The following XPO4 variants were observed in gnomAD, a reference collection of about 807,000 sequenced individuals.
The protein encoded by XPO4 is exportin 4.
In XPO4, 39 loss-of-function variants were observed where a neutral mutation model predicts 143.0. That is an observed-to-expected ratio of 0.27 (90% confidence interval 0.21 to 0.36). The LOEUF (loss-of-function observed/expected upper bound fraction) is 0.36. Ranked by LOEUF, XPO4 falls within the 10% of genes least tolerant of loss-of-function variation. The probability of loss-of-function intolerance (pLI) is 1.00; values close to 1 mark genes in which losing one functional copy is unlikely to be tolerated. For synonymous variants in XPO4, 439 were observed against 474.0 expected (o/e 0.93, Z 0.96); for missense variants, 907 against 1,348.0 (o/e 0.67, Z 5.12).
At chr13:20,838,366 T>C (rs2059939185) in intron 6 of XPO4, among the ~76,000 whole-genome samples, 1 of 151,526 alleles carries the variant, frequency 6.6e-6, no homozygotes, top group Non-Finnish European at 1.5e-5. Flanking sequence ...TCCCAGCACT[T>C]TGGGAGGCTG....
chr13:20,829,160 G>A (rs2059822506), intron 6 of XPO4, among the ~76,000 whole-genome samples: 2 of 152,146 alleles, frequency 1.3e-5, no homozygotes, highest in African/African-American at 4.8e-5. Flanking sequence ...GTCTCACTAT[G>A]TTGCCCAGGG....
chr13:20,787,754 G>A (rs1300131590), intron 20 of XPO4, among the ~76,000 whole-genome samples, 156 bp from the exon 21 acceptor site: 1 of 152,200 alleles, frequency 6.6e-6, no homozygotes, highest in African/African-American at 2.4e-5. Flanking sequence ...GTTATATAAG[G>A]AAAGAAGATT....
At chr13:20,818,733 T>C (rs1398983114) in intron 9 of XPO4, among the ~76,000 whole-genome samples, 2 of 152,256 alleles carry the variant, frequency 1.3e-5, no homozygotes, top group Non-Finnish European at 2.9e-5. Context: ...ATAAAAGCTA[T>C]TATTTTAAAG....
At chr13:20,882,382 G>A (rs536365585) in intron 1 of XPO4, among the ~76,000 whole-genome samples, 8 of 152,132 alleles carry the variant, frequency 5.3e-5, no homozygotes, top group Non-Finnish European at 1.2e-4. Context: ...GGGAGAGCCA[G>A]CATATCATAT....
chr13:20,810,924 G>C (rs1314731564), intron 9 of XPO4, among the ~76,000 whole-genome samples: 1 of 152,140 alleles, frequency 6.6e-6, no homozygotes, highest in Non-Finnish European at 1.5e-5. Flanking sequence ...ACACCACTGA[G>C]AAAGAAGAGA....
intron 18 of XPO4, among the ~76,000 whole-genome samples, chr13:20,795,835 A>T (rs2059350994): frequency 3.9e-5 from 6 of 152,212 alleles, no homozygotes; most frequent in Admixed American, 3.9e-4. Flanking sequence ...AGAGGTAAGA[A>T]CAGTGCATGG....
At chr13:20,806,767 GGTC>G (rs539870010) in intron 13 of XPO4, among the ~76,000 whole-genome samples, 1 of 151,568 alleles carries the variant, frequency 6.6e-6, no homozygotes, top group Non-Finnish European at 1.5e-5. Context: ...TGGCCAGGAG[GGTC>G]TCAATCTCTT....
chr13:20,799,037 G>T, intron 16 of XPO4, 128 bp downstream of exon 16: 13 of 808,762 alleles, frequency 1.6e-5, no homozygotes, highest in Non-Finnish European at 2.3e-5. Flanking sequence ...AAAAAAAAAA[G>T]AAAGAAAGAA....
chr13:20,895,579 C>A (rs770504141), intron 1 of XPO4, among the ~76,000 whole-genome samples: 57 of 151,748 alleles, frequency 3.8e-4, no homozygotes, highest in Non-Finnish European at 7.8e-4. Context: ...TTGCAGTGAG[C>A]CGAGATCGCA....
chr13:20,790,931 T>TA (rs1477825768), intron 18 of XPO4, among the ~76,000 whole-genome samples: 2 of 152,214 alleles, frequency 1.3e-5, no homozygotes, highest in Non-Finnish European at 2.9e-5. Flanking sequence ...ACTGGCATAC[T>TA]AGCCATAATG....
intron 9 of XPO4, among the ~76,000 whole-genome samples, chr13:20,816,203 T>A (rs1002341317): frequency 2.0e-5 from 3 of 152,176 alleles, no homozygotes; most frequent in Non-Finnish European, 1.5e-5. Flanking sequence ...TGTAAAACAT[T>A]AAGAAGGACA....
intron 1 of XPO4, among the ~76,000 whole-genome samples, chr13:20,884,408 T>C (rs889734837): frequency 6.6e-6 from 1 of 151,618 alleles, no homozygotes; most frequent in Non-Finnish European, 1.5e-5. Flanking sequence ...TCCAATCCGA[T>C]CCGATCCGAT....
intron 19 of XPO4, among the ~76,000 whole-genome samples, chr13:20,789,920 C>T (rs920061378): frequency 1.6e-4 from 24 of 152,054 alleles, no homozygotes; most frequent in Non-Finnish European, 3.4e-4. Context: ...GTTGCCTCAC[C>T]GCCACCACAC....
intron 3 of XPO4, chr13:20,856,444 T>C (rs2060145100): frequency 8.5e-6 from 6 of 706,214 alleles, no homozygotes; most frequent in East Asian, 2.6e-4. Flanking sequence ...AGAAACTTAA[T>C]TGACTTTTCA....
intron 6 of XPO4, among the ~76,000 whole-genome samples, chr13:20,842,597 T>G (rs1450299113): frequency 9.9e-5 from 15 of 152,212 alleles, no homozygotes; most frequent in Non-Finnish European, 2.9e-5. Flanking sequence ...TCTACCTGTT[T>G]CCTTTTCCTT....
intron 1 of XPO4, among the ~76,000 whole-genome samples, chr13:20,898,987 G>C (rs377056759): frequency 1.5e-4 from 23 of 152,260 alleles, no homozygotes; most frequent in African/African-American, 4.3e-4. Context: ...GGGCAACACA[G>C]TGAGATCCTC....
At chr13:20,880,292 C>T (rs563063520) in intron 1 of XPO4, among the ~76,000 whole-genome samples, 6 of 152,150 alleles carry the variant, frequency 3.9e-5, no homozygotes, top group East Asian at 3.9e-4. Flanking sequence ...ATTAGCCGGG[C>T]GTGGTGGCAC....
intron 1 of XPO4, among the ~76,000 whole-genome samples, chr13:20,878,412 G>GA (rs1000575006): frequency 8.7e-5 from 13 of 148,834 alleles, no homozygotes; most frequent in East Asian, 2.0e-4. Flanking sequence ...CATTATAATA[G>GA]AAAAAAAAAG....
intron 9 of XPO4, among the ~76,000 whole-genome samples, chr13:20,821,001 C>T (rs1348612269): frequency 1.3e-5 from 2 of 152,062 alleles, no homozygotes; most frequent in Non-Finnish European, 2.9e-5. Flanking sequence ...CAATTTTTTT[C>T]CATGATTAAT....
Sources: gnomAD v4.1 joint callset for allele counts (sites outside exome capture counted in the v4.1 genomes callset) on GRCh38, gnomAD v4.1.1 for gene constraint, MANE v1.5 for transcripts, NCBI Gene and HGNC (gene_info 2026-07-23, HGNC 2026-07-21) for gene names.